The following FHIP1A variants were observed in gnomAD, a reference collection of about 807,000 sequenced individuals.
The protein encoded by FHIP1A is FHF complex subunit HOOK interacting protein 1A.
Under a neutral mutation model 88.6 loss-of-function variants are expected in FHIP1A, and 61 were observed. That is an observed-to-expected ratio of 0.69 (90% CI 0.56 to 0.85). FHIP1A has a LOEUF of 0.85. Ranked by LOEUF, FHIP1A falls within the 40% of genes least tolerant of loss-of-function variation. The pLI is 0.00. For synonymous variants in FHIP1A, 478 were observed against 496.0 expected (o/e 0.96, Z 0.48); for missense variants, 1,154 against 1,273.5 (o/e 0.91, Z 1.43).
chr4:151,653,414 A>T (rs1737107974), intron 11 of FHIP1A, among the ~76,000 whole-genome samples: 1 of 151,934 alleles, frequency 6.6e-6, no homozygotes, highest in Non-Finnish European at 1.5e-5. Flanking sequence ...GGCAGGCAAG[A>T]TAATGCATTG....
rs1029729666 is a variant in FHIP1A at position 151,632,765 on chromosome 4, A to C, written c.1146+2896A>C. On this transcript the variant is annotated intron_variant, in intron 8 of 13. Transcript: ENST00000435205. Reference sequence around the variant, plus strand: ...AAGAAATCACAAGGGAATTTAGAAAATATCTGGAGACAAGTGAAAATGAAA... The same window carrying C: ...AAGAAATCACAAGGGAATTTAGAAACTATCTGGAGACAAGTGAAAATGAAA... Among the ~76,000 whole-genome samples the C allele has an allele frequency of 2.0e-5, 3 of 152,070 alleles. 1 individual carries two copies. The highest frequency in any genetic ancestry group is 1.3e-4 in the Admixed American group (2 of 15,270).
At chr4:151,420,118 G>T (rs2126519163) in intron 1 of FHIP1A, among the ~76,000 whole-genome samples, 1 of 14,590 alleles carries the variant, frequency 6.9e-5, no homozygotes, top group East Asian at 1.0e-3. Flanking sequence ...TAATGGGATG[G>T]CTGGGTCAAA....
intron 3 of FHIP1A, among the ~76,000 whole-genome samples, chr4:151,494,276 G>T (rs1730383853): frequency 6.6e-6 from 1 of 152,152 alleles, no homozygotes; most frequent in Non-Finnish European, 1.5e-5. Flanking sequence ...TACTTACTGG[G>T]ATATCTTCCA....
chr4:151,476,992 G>A (rs1221321281), intron 2 of FHIP1A, among the ~76,000 whole-genome samples: 1 of 152,024 alleles, frequency 6.6e-6, no homozygotes, highest in Non-Finnish European at 1.5e-5. Context: ...AAAAAGATAC[G>A]AAAAAATGGA....
At chr4:151,446,593 T>C (rs999834312) in intron 1 of FHIP1A, among the ~76,000 whole-genome samples, 5 of 150,774 alleles carry the variant, frequency 3.3e-5, no homozygotes, top group African/African-American at 9.7e-5. Context: ...TTTTTTTTTT[T>C]TTTTTTTGGT....
At chr4:151,467,777 A>G (rs778833795) in intron 2 of FHIP1A, among the ~76,000 whole-genome samples, 3 of 152,094 alleles carry the variant, frequency 2.0e-5, no homozygotes, top group Non-Finnish European at 4.4e-5. Flanking sequence ...GGTGTTGAAC[A>G]ATGAGAACAC....
At chr4:151,458,282 T>C (rs923523679) in intron 2 of FHIP1A, among the ~76,000 whole-genome samples, 1 of 152,160 alleles carries the variant, frequency 6.6e-6, no homozygotes, top group Non-Finnish European at 1.5e-5. Context: ...GTGGTTAAGC[T>C]ACTCAGAGTG....
In FHIP1A at chr4:151,669,447, A is replaced by T. The variant is rs1179503185; in HGVS notation, c.*6693A>T. Among the ~76,000 whole-genome samples the T allele has an allele frequency of 1.3e-5, 2 of 152,212 alleles. No homozygotes were observed. Among genetic ancestry groups the T allele is most frequent in the African/African-American group, 4.8e-5 (2 of 41,450 alleles). ...CTTTAATTTTAAATGGTCTGGAAAG[A>T]TCTTCGATGCTTTCTGTAAGGTTTA... is the stretch of plus-strand genomic sequence containing the variant. On this transcript the variant is annotated 3_prime_UTR_variant, in exon 14 of 14. Coordinates refer to ENST00000435205, the MANE Select transcript of FHIP1A (RefSeq NM_001109977.3).
rs377324759 is a variant in FHIP1A at position 151,567,584 on chromosome 4, G to T, written c.105+1220G>T. ...CCAGATAATTAGAGTAATAACCTTTGGCTTTGCACTTTTATAAATATTTTA... is the reference window on the plus strand; with the variant it reads ...CCAGATAATTAGAGTAATAACCTTTTGCTTTGCACTTTTATAAATATTTTA... On this transcript the variant is annotated intron_variant, in intron 4 of 13. Transcript: ENST00000435205. Among the ~76,000 whole-genome samples the T allele has an allele frequency of 3.0e-3, 460 of 152,106 alleles. 3 individuals are homozygous for T. The highest frequency in any genetic ancestry group is 0.011 in the African/African-American group (442 of 41,490).
At chr4:151,636,634 C>T (rs12651635) in intron 8 of FHIP1A, among the ~76,000 whole-genome samples, 39,656 of 151,774 alleles carry the variant, frequency 0.26, 5,823 homozygotes, top group Non-Finnish European at 0.33. Context: ...AAAAGAAGTG[C>T]AAAACTTGTG....
Position 151,656,397 on chromosome 4 carries a change from GCTCT to G in FHIP1A, c.2722_2725del (p.Leu908IlefsTer7), listed in dbSNP as rs752320854. On this transcript the variant is annotated frameshift_variant, in exon 12 of 14. Transcript: ENST00000435205. LOFTEE classifies it high-confidence loss of function. This position sits in a 1 kb window ranked among gnomAD's most constrained non-coding sequence, Gnocchi z 4.2. Reference sequence around the variant, plus strand: ...AACATGGTCTTCCAGCCAAGCGTCCGCTCTCTCTATCAGGTATGTTAGCTGAACC... The same window carrying G: ...AACATGGTCTTCCAGCCAAGCGTCCGCTCTATCAGGTATGTTAGCTGAACC... The G allele has an allele frequency of 7.3e-5, 114 of 1,551,442 alleles. No homozygotes were observed. Among genetic ancestry groups the G allele is most frequent in the Admixed American group, 1.6e-4 (8 of 50,984 alleles).
chr4:151,520,523 T>A (rs1321003891), intron 3 of FHIP1A, among the ~76,000 whole-genome samples: 2 of 152,210 alleles, frequency 1.3e-5, no homozygotes, highest in Non-Finnish European at 2.9e-5. Context: ...TTTATAATTT[T>A]TTATTATTAA....
At chr4:151,460,324 A>G (rs1261883964) in intron 2 of FHIP1A, among the ~76,000 whole-genome samples, 1 of 152,166 alleles carries the variant, frequency 6.6e-6, no homozygotes, top group Non-Finnish European at 1.5e-5. Flanking sequence ...AAATGAATGA[A>G]GTGTTTCAGA....
At chr4:151,564,103 A>G (rs10212987) in intron 3 of FHIP1A, among the ~76,000 whole-genome samples, 13 of 152,202 alleles carry the variant, frequency 8.5e-5, no homozygotes, top group Non-Finnish European at 1.6e-4. Flanking sequence ...AGAAGATTGC[A>G]TGTAAATTCC....
intron 3 of FHIP1A, among the ~76,000 whole-genome samples, chr4:151,491,376 T>C (rs1303954895): frequency 3.9e-5 from 6 of 152,208 alleles, no homozygotes; most frequent in Non-Finnish European, 8.8e-5. Flanking sequence ...CCAAGAATTT[T>C]GTATCCAGTG....
chr4:151,631,308 C>T (rs1736149447), intron 8 of FHIP1A, among the ~76,000 whole-genome samples: 1 of 152,028 alleles, frequency 6.6e-6, no homozygotes, highest in South Asian at 2.1e-4. Context: ...ATATTACTAT[C>T]AACCTTACAG....
intron 1 of FHIP1A, among the ~76,000 whole-genome samples, chr4:151,418,385 A>G (rs1732979051): frequency 6.6e-6 from 1 of 152,116 alleles, no homozygotes; most frequent in Non-Finnish European, 1.5e-5. Flanking sequence ...GTCCTATTTG[A>G]AAAGTACACC....
chr4:151,511,909 T>C (rs59422402), intron 3 of FHIP1A, among the ~76,000 whole-genome samples: 57,899 of 152,092 alleles, frequency 0.38, 11,282 homozygotes, highest in Non-Finnish European at 0.43. Context: ...TAAATGTCCT[T>C]GTCTGACAGC....
At chr4:151,487,388 A>T (rs1292686699) in intron 3 of FHIP1A, among the ~76,000 whole-genome samples, 1 of 150,916 alleles carries the variant, frequency 6.6e-6, no homozygotes, top group African/African-American at 2.4e-5. Context: ...TCCACATCTC[A>T]CCCACATGTT....
Sources: allele counts gnomAD v4.1 joint callset (sites outside exome capture counted in the v4.1 genomes callset), GRCh38; gene constraint gnomAD v4.1.1; non-coding constraint Gnocchi (gnomAD v3.1); transcripts MANE v1.5; gene names NCBI Gene and HGNC (gene_info 2026-07-23, HGNC 2026-07-21).